ROBO2: variants seen among roughly 807,000 people sequenced by gnomAD.
ROBO2 encodes the protein roundabout homolog 2.
In ROBO2, 53 loss-of-function variants were observed where a neutral mutation model predicts 160.8. The ratio of observed to expected loss-of-function variants is 0.33; its 90% CI spans 0.26 to 0.41. The LOEUF is 0.41. Among genes scored for constraint, ROBO2 ranks in the 10% least tolerant of loss-of-function variants. The probability of loss-of-function intolerance (pLI) is 1.00; values close to 1 mark genes in which losing one functional copy is unlikely to be tolerated. For missense variants in ROBO2, 1,577 were observed against 1,722.4 expected (o/e 0.92, Z 1.49); for synonymous variants, 664 against 611.7 (o/e 1.09, Z -1.26).
chr3:76,934,210 G>GAAAAAA (rs10687758), intron 2 of ROBO2, among the ~76,000 whole-genome samples: 3 of 142,564 alleles, frequency 2.1e-5, no homozygotes, highest in Non-Finnish European at 3.1e-5. Context: ...ATCGAAAATA[G>GAAAAAA]AAAAAAAAAA....
At chr3:76,798,909 A>G (rs1027344931) in intron 2 of ROBO2, among the ~76,000 whole-genome samples, 13 of 122,796 alleles carry the variant, frequency 1.1e-4, no homozygotes, top group Admixed American at 1.0e-3. Flanking sequence ...AACAACAACA[A>G]CAACAACAAA....
intron 2 of ROBO2, among the ~76,000 whole-genome samples, chr3:76,132,326 C>T (rs2071252965): frequency 1.4e-5 from 2 of 142,606 alleles, no homozygotes; most frequent in Non-Finnish European, 3.0e-5. Context: ...GATTTAGTGC[C>T]CAAGGTTTTC....
chr3:76,971,413 T>G (rs2149283013), intron 2 of ROBO2, among the ~76,000 whole-genome samples: 1 of 152,322 alleles, frequency 6.6e-6, no homozygotes, highest in South Asian at 2.1e-4. Context: ...CTGTATAAAC[T>G]ACTTATGTAC....
chr3:76,887,408 GC>G, intron 2 of ROBO2, among the ~76,000 whole-genome samples: 1 of 151,880 alleles, frequency 6.6e-6, no homozygotes, highest in Middle Eastern at 3.4e-3. Flanking sequence ...ATAAAATAAA[GC>G]AAAAACAGAG....
chr3:75,988,316 T>C (rs1364050628), intron 2 of ROBO2, among the ~76,000 whole-genome samples: 1 of 152,140 alleles, frequency 6.6e-6, no homozygotes, highest in Non-Finnish European at 1.5e-5. Context: ...ACTTTTGACA[T>C]ATAATTGTTC....
intron 21 of ROBO2, 28 bp downstream of exon 22, chr3:77,607,982 T>C (rs1330284052): frequency 2.5e-6 from 4 of 1,611,836 alleles, no homozygotes; most frequent in Non-Finnish European, 3.4e-6. Flanking sequence ...ACTAGCAAAA[T>C]GGCCAGGGCT....
intron 2 of ROBO2, among the ~76,000 whole-genome samples, chr3:76,105,359 G>A (rs1022532541): frequency 2.6e-5 from 4 of 152,094 alleles, no homozygotes; most frequent in Non-Finnish European, 5.9e-5. Flanking sequence ...ACAAATTCTT[G>A]TATACCTAAT....
intron 2 of ROBO2, among the ~76,000 whole-genome samples, chr3:76,289,915 C>T (rs1708720129): frequency 6.6e-6 from 1 of 152,104 alleles, no homozygotes; most frequent in Non-Finnish European, 1.5e-5. Context: ...AGTTTGAAGT[C>T]AGGTAGTGTA....
Position 77,517,038 on chromosome 3 carries a change from A to G in ROBO2, c.807-5737A>G, listed in dbSNP as rs151068568. Among the ~76,000 whole-genome samples the G allele has an allele frequency of 6.4e-3, 970 of 151,754 alleles. 6 individuals carry two copies. The highest frequency in any genetic ancestry group is 0.011 in the Non-Finnish European group (727 of 67,758). On this transcript the variant is annotated intron_variant, in intron 5 of 25. Coordinates refer to ENST00000461745, the Ensembl canonical transcript of ROBO2. ...CAGTCCTCATTCCCATGGAACATACATGCTCTTGGAAATAAAGAAGACAAG... is the reference window on the plus strand; with the variant it reads ...CAGTCCTCATTCCCATGGAACATACGTGCTCTTGGAAATAAAGAAGACAAG...
intron 2 of ROBO2, among the ~76,000 whole-genome samples, chr3:76,162,426 C>T (rs1453382367): frequency 6.6e-6 from 1 of 152,128 alleles, no homozygotes; most frequent in Non-Finnish European, 1.5e-5. Flanking sequence ...CCTCCCGCCT[C>T]CTCCTGAGTC....
intron 2 of ROBO2, among the ~76,000 whole-genome samples, chr3:76,053,386 A>G (rs939222901): frequency 2.0e-5 from 3 of 152,002 alleles, no homozygotes; most frequent in Admixed American, 6.6e-5. Context: ...AAAAACAGTT[A>G]AAAATGCATT....
At chr3:75,940,153 A>T (rs1947983815) in intron 2 of ROBO2, among the ~76,000 whole-genome samples, 1 of 152,176 alleles carries the variant, frequency 6.6e-6, no homozygotes, top group African/African-American at 2.4e-5. Context: ...GTCACTGGGG[A>T]GTCCCAATGT....
At chr3:76,402,467 T>G (rs1201565615) in intron 2 of ROBO2, among the ~76,000 whole-genome samples, 3 of 151,680 alleles carry the variant, frequency 2.0e-5, no homozygotes, top group East Asian at 1.9e-4. Flanking sequence ...GTGTAGTAGA[T>G]TAGCAAGAAC....
intron 2 of ROBO2, among the ~76,000 whole-genome samples, chr3:77,420,616 A>G (rs2077629523): frequency 6.6e-6 from 1 of 152,116 alleles, no homozygotes; most frequent in African/African-American, 2.4e-5. Context: ...AGGTTTACCA[A>G]ATGTGTTGTC....
At chr3:76,465,458 G>T (rs2078310569) in intron 2 of ROBO2, among the ~76,000 whole-genome samples, 2 of 151,990 alleles carry the variant, frequency 1.3e-5, no homozygotes, top group African/African-American at 2.4e-5. Context: ...ATAAGCCATT[G>T]TATTTTGCTT....
At chr3:77,011,990 C>T (rs890353401) in intron 2 of ROBO2, among the ~76,000 whole-genome samples, 5 of 151,986 alleles carry the variant, frequency 3.3e-5, no homozygotes, top group Non-Finnish European at 7.4e-5. Context: ...TTCTCTTTCT[C>T]TAATCTAAAA....
chr3:76,092,763 G>A (rs1386917572), intron 2 of ROBO2, among the ~76,000 whole-genome samples: 1 of 152,106 alleles, frequency 6.6e-6, no homozygotes, highest in Non-Finnish European at 1.5e-5. Flanking sequence ...TATGTAATCT[G>A]TGAAGCTGTT....
chr3:76,721,084 A>G (rs962198844), intron 2 of ROBO2, among the ~76,000 whole-genome samples: 34 of 152,206 alleles, frequency 2.2e-4, no homozygotes, highest in African/African-American at 7.7e-4. Context: ...ACAATTAGCT[A>G]GGAAAACTTA....
chr3:76,244,597 A>G (rs551908506), intron 2 of ROBO2, among the ~76,000 whole-genome samples: 1 of 152,184 alleles, frequency 6.6e-6, no homozygotes, highest in Non-Finnish European at 1.5e-5. Context: ...TTCTTTCACA[A>G]CTTTTCTTGA....
Sources: allele counts gnomAD v4.1 joint callset (sites outside exome capture counted in the v4.1 genomes callset), GRCh38; gene constraint gnomAD v4.1.1; transcripts MANE v1.5; gene names NCBI Gene and HGNC (gene_info 2026-07-23, HGNC 2026-07-21).